The following PDLIM2 variants were observed in gnomAD, a reference collection of about 807,000 sequenced individuals.
PDLIM2 encodes PDZ and LIM domain 2, also known as PDZ and LIM domain protein 2.
PDLIM2 carries 51 observed loss-of-function variants against 54.1 expected under a neutral mutation model. The observed-to-expected ratio is 0.94, with a 90% CI of 0.75 to 1.19. The LOEUF is 1.19. Among genes scored for constraint, PDLIM2 ranks in the 50% most tolerant of loss-of-function variants. The probability of loss-of-function intolerance (pLI) is 0.00; values close to 1 mark genes in which losing one functional copy is unlikely to be tolerated. For missense variants in PDLIM2, 912 were observed against 874.0 expected (o/e 1.04, Z -0.55); for synonymous variants, 398 against 385.6 (o/e 1.03, Z -0.38).
intron 3 of PDLIM2, among the ~76,000 whole-genome samples, chr8:22,582,434 G>A: frequency 6.6e-6 from 1 of 152,136 alleles, no homozygotes; most frequent in Non-Finnish European, 1.5e-5. Flanking sequence ...AGGAGGCTGA[G>A]GGTCTGGCAG....
chr8:22,582,951 G>C (rs964354346), intron 3 of PDLIM2, among the ~76,000 whole-genome samples: 3 of 52,970 alleles, frequency 5.7e-5, no homozygotes, highest in Non-Finnish European at 3.7e-5. Context: ...ACCCTCCCAG[G>C]TGACCTCTCT....
intron 7 of PDLIM2, 57 bp from the exon 7 acceptor site, chr8:22,589,539 T>A: frequency 9.1e-7 from 1 of 1,097,008 alleles, no homozygotes; most frequent in Non-Finnish European, 1.3e-6. Flanking sequence ...CCCCACCCCC[T>A]TGCTTGCCTA....
chr8:22,584,829 C>CTACG lies in PDLIM2; in HGVS notation c.1006_1009dup (p.Ser337TyrfsTer28). The CTACG allele has an allele frequency of 6.2e-7, 1 of 1,614,130 alleles. No homozygotes were observed. Among genetic ancestry groups the CTACG allele is most frequent in the Non-Finnish European group, 8.5e-7 (1 of 1,180,010 alleles). On this transcript the variant is annotated frameshift_variant, in exon 4 of 10. Transcript: ENST00000308354. LOFTEE classifies it high-confidence loss of function. ...CTCTGTTGCCTTCTCAGGTCTCAGG[C>CTACG]TACGTCTCCAGGGCAGACCAATGGG...
chr8:22,595,405 G>T (rs1383272506), downstream of PDLIM2: 1 of 152,272 alleles, frequency 6.6e-6, no homozygotes, highest in East Asian at 1.9e-4. Context: ...CTAGTGTCCA[G>T]TTTGGCCCAT....
chr8:22,591,941 G>A, intron 9 of PDLIM2: 1 of 339,978 alleles, frequency 2.9e-6, no homozygotes, highest in Non-Finnish European at 5.4e-6. Context: ...AAAGCCTCTG[G>A]AGATCTGCCC....
intron 1 of PDLIM2, 157 bp from the exon 1 acceptor site, chr8:22,580,318 C>A (rs938784011): frequency 7.4e-6 from 4 of 539,540 alleles, no homozygotes; most frequent in African/African-American, 5.8e-5. Flanking sequence ...CTCCAGCAAG[C>A]CCCCTGCCTG....
At chr8:22,579,251 G>A in exon 1 of PDLIM2, 1 of 1,356,900 alleles carries the variant, frequency 7.4e-7, no homozygotes, top group Non-Finnish European at 9.4e-7. Flanking sequence ...GCGCCTCTCC[G>A]CGCGGCCCGC....
At chr8:22,580,525 C>A in intron 1 of PDLIM2, 1 of 1,608,226 alleles carries the variant, frequency 6.2e-7, no homozygotes, top group Non-Finnish European at 8.5e-7. Flanking sequence ...CTCCCTTTGG[C>A]TCCTCTCCTG....
Position 22,579,307 on chromosome 8 carries a change from C to A in PDLIM2, c.528C>A (p.Asn176Lys). 3 of 1,421,630 alleles carry A rather than the reference C, an allele frequency of 2.1e-6. 1 individual carries two copies. In the South Asian group the frequency reaches 4.4e-5, roughly 21 times the overall value. The allele number at this position is 1,421,630 out of a possible 1,614,324, so 88.1% of individuals were successfully genotyped here. A position where few individuals can be genotyped will look rare whatever the true frequency, so the allele number is the denominator to read the frequency against. ...TCTCCGCGCCCCTGTCGGCGCGGAA[C>A]CCTGGCCTCGTCCGCGGCCCAGCTC... Residue 176 changes from asparagine (N) to lysine (K), a missense_variant, in exon 1 of 10, where the codon AAC becomes AAA. Coordinates refer to ENST00000308354, the Ensembl canonical transcript of PDLIM2.
intron 1 of PDLIM2, 132 bp from the exon 1 acceptor site, chr8:22,580,343 C>T: frequency 3.9e-6 from 3 of 776,940 alleles, no homozygotes; most frequent in Non-Finnish European, 3.8e-6. Context: ...CCTGGGCAGC[C>T]CCCTCCTGGG....
In PDLIM2 at chr8:22,589,900, C is replaced by T. The variant is rs1800494024; in HGVS notation, c.1513+159C>T. ...AGAGCGCGAAGCCCCAGCCCCTGCCCATAAGGAGCTGACGGTCCGGGAGGG... is the reference window on the plus strand; with the variant it reads ...AGAGCGCGAAGCCCCAGCCCCTGCCTATAAGGAGCTGACGGTCCGGGAGGG... On this transcript the variant is annotated intron_variant, in intron 8 of 9. Coordinates refer to ENST00000308354, the Ensembl canonical transcript of PDLIM2. The T allele has an allele frequency of 7.5e-6, 8 of 1,060,910 alleles. No individual in the cohort carries two copies. The South Asian group carries it at 1.2e-4, about 15-fold the overall frequency. 65.7% of individuals were successfully genotyped at this position (1,060,910 alleles called of 1,614,324 possible).
At chr8:22,591,934 G>T (rs1218966845) in intron 9 of PDLIM2, 1 of 356,728 alleles carries the variant, frequency 2.8e-6, no homozygotes, top group Non-Finnish European at 5.1e-6. Context: ...TCATTTCAAA[G>T]CCTCTGGAGA....
At chr8:22,589,838 T>TGAG in intron 8 of PDLIM2, 97 bp downstream of exon 7, 1 of 1,479,220 alleles carries the variant, frequency 6.8e-7, no homozygotes, top group Non-Finnish European at 9.1e-7. Context: ...TAAGTGCCTG[T>TGAG]GAGGTGCTCA....
intron 3 of PDLIM2, among the ~76,000 whole-genome samples, chr8:22,583,732 G>A (rs570626984): frequency 6.6e-5 from 10 of 151,654 alleles, no homozygotes; most frequent in South Asian, 2.1e-4. Context: ...GCACCACTGC[G>A]CTCCAGCCTG....
intron 3 of PDLIM2, among the ~76,000 whole-genome samples, chr8:22,582,472 C>T (rs1800234604): frequency 1.3e-5 from 2 of 152,118 alleles, no homozygotes; most frequent in South Asian, 2.1e-4. Context: ...CGGACTGTCT[C>T]TTCCTCTGGG....
exon 10 of PDLIM2, chr8:22,593,811 G>A (rs749557497): frequency 8.1e-6 from 13 of 1,603,406 alleles, no homozygotes; most frequent in Non-Finnish European, 9.4e-6. Flanking sequence ...GGCTGAACCT[G>A]AAGATGCGCG....
At chr8:22,589,334 G>A (rs1414286284) in exon 7 of PDLIM2, 3 of 1,534,218 alleles carry the variant, frequency 2.0e-6, no homozygotes, top group Non-Finnish European at 1.7e-6. Context: ...GGCGGTGCTG[G>A]TGCTGCCGCC....
intron 6 of PDLIM2, 23 bp from the exon 6 acceptor site, chr8:22,589,275 C>A: frequency 6.5e-7 from 1 of 1,533,408 alleles, no homozygotes; most frequent in South Asian, 1.2e-5. Flanking sequence ...CCTGACTCCT[C>A]CCCGGCTGCC....
exon 3 of PDLIM2, chr8:22,581,426 C>T: frequency 6.2e-7 from 1 of 1,608,356 alleles, no homozygotes; most frequent in Non-Finnish European, 8.5e-7. Context: ...GGCCTGGAGA[C>T]ATAATCGTGG....
Sources: gnomAD v4.1 joint callset for allele counts (sites outside exome capture counted in the v4.1 genomes callset) on GRCh38, gnomAD v4.1.1 for gene constraint, MANE v1.5 for transcripts, NCBI Gene and HGNC (gene_info 2026-07-23, HGNC 2026-07-21) for gene names.